Variants in TBXAS1 observed in about 807,000 individuals in gnomAD.
TBXAS1 encodes thromboxane-A synthase.
In TBXAS1, 48 loss-of-function variants were observed where a neutral mutation model predicts 60.7. That is an observed-to-expected ratio of 0.79 (90% CI 0.63 to 1.01). The LOEUF is 1.01. Among genes scored for constraint, TBXAS1 ranks in the 50% least tolerant of loss-of-function variants. The probability of loss-of-function intolerance (pLI) is 0.00; values close to 1 mark genes in which losing one functional copy is unlikely to be tolerated. For synonymous variants in TBXAS1, 287 were observed against 269.7 expected, an observed-to-expected ratio of 1.06 and a Z score of -0.63; for missense variants, 685 against 686.3, an observed-to-expected ratio of 1.00 and a Z score of 0.02.
At chr7:139,966,745 G>A (rs1328654205) in intron 9 of TBXAS1, among the ~76,000 whole-genome samples, 1 of 152,230 alleles carries the variant, frequency 6.6e-6, no homozygotes, top group African/African-American at 2.4e-5. Flanking sequence ...AGGCCAGTCT[G>A]GCCCAGATGA....
Position 139,869,594 on chromosome 7 carries a change from G to A in TBXAS1, c.90-2641G>A, listed in dbSNP as rs537200202. ...AGTAGAGATGGGGTTTCACCATATG[G>A]GCTAGGCTGGTCTTGAGCTCCTGGC... On this transcript the variant is annotated intron_variant, in intron 1 of 12. Transcript: ENST00000448866. Among the ~76,000 whole-genome samples, 3 of 152,106 alleles carry A rather than the reference G, an allele frequency of 2.0e-5. No individual in the cohort carries two copies. In the East Asian group the frequency reaches 5.8e-4, roughly 29 times the overall value.
Position 140,017,788 on chromosome 7 carries a change from C to T in TBXAS1, c.1482C>T (p.Leu494=). The T allele has an allele frequency of 1.2e-6, 2 of 1,614,122 alleles. No homozygotes were observed. The highest frequency in any genetic ancestry group is 1.7e-6 in the Non-Finnish European group (2 of 1,179,982). The part of the protein sequence containing the change: ...LGLLEVKLTL[L]HVLHKFRFQA... ...TGCTTGAGGTCAAGTTGACACTGCT[C>T]CACGTGCTGCACAAGTTCCGGTTCC... Residue 494 remains leucine, a synonymous_variant, in exon 12 of 13, where the codon CTC becomes CTT. Transcript: ENST00000448866.
chr7:139,915,274 T>G (rs570442747), intron 4 of TBXAS1, among the ~76,000 whole-genome samples: 1 of 152,350 alleles, frequency 6.6e-6, no homozygotes, highest in Admixed American at 6.5e-5. Flanking sequence ...CTTATTTATC[T>G]GCTCAAAGAA....
chr7:139,794,514 CTT>C (rs528710596), intron 4 of TBXAS1, among the ~76,000 whole-genome samples: 2 of 144,872 alleles, frequency 1.4e-5, no homozygotes, highest in East Asian at 2.0e-4. Flanking sequence ...TTCTCCCTTT[CTT>C]TTTTTTTTTT....
chr7:139,810,951 G>A (rs1175017056), intron 4 of TBXAS1, among the ~76,000 whole-genome samples: 1 of 152,164 alleles, frequency 6.6e-6, no homozygotes, highest in African/African-American at 2.4e-5. Flanking sequence ...TCCATATCTT[G>A]TAGGAATTAT....
chr7:139,905,263 G>A (rs768266795), intron 3 of TBXAS1, among the ~76,000 whole-genome samples: 2 of 151,796 alleles, frequency 1.3e-5, no homozygotes, highest in Non-Finnish European at 2.9e-5. Flanking sequence ...TGTTATAGAT[G>A]GCCTTTATTA....
At chr7:139,813,369 A>T (rs1413236731) in intron 4 of TBXAS1, among the ~76,000 whole-genome samples, 1 of 152,196 alleles carries the variant, frequency 6.6e-6, no homozygotes, top group Non-Finnish European at 1.5e-5. Flanking sequence ...CGCTCTGCAC[A>T]GCCACAAAAG....
chr7:139,889,456 G>A (rs1803385131), intron 3 of TBXAS1, among the ~76,000 whole-genome samples: 1 of 152,192 alleles, frequency 6.6e-6, no homozygotes, highest in Non-Finnish European at 1.5e-5. Context: ...ATAATTAAGA[G>A]GTTGAACAGG....
intron 1 of TBXAS1, among the ~76,000 whole-genome samples, chr7:139,865,683 G>A (rs1801323773): frequency 1.7e-5 from 2 of 116,652 alleles, no homozygotes; most frequent in African/African-American, 3.3e-5. Context: ...AGGAGGAAGA[G>A]GAGGAGGAGG....
At chr7:139,875,773 G>T (rs1569505748) in intron 3 of TBXAS1, 136 bp downstream of exon 3, 2 of 1,208,400 alleles carry the variant, frequency 1.7e-6, no homozygotes, top group South Asian at 1.3e-5. Flanking sequence ...TTTTCAAAGG[G>T]CCCACAAAGA....
rs1807789922 is a variant in TBXAS1 at position 139,936,349 on chromosome 7, G to A, written c.450+42G>A. 1.9e-6 allele frequency: 3 copies of A among 1,593,990 alleles called. No homozygotes were observed. The African/African-American group carries it at 4.0e-5, about 21-fold the overall frequency. On this transcript the variant is annotated intron_variant, in intron 5 of 12. Coordinates refer to ENST00000448866, the MANE Select transcript of TBXAS1 (RefSeq NM_001061.7). ...GCAAACTCTCTTCTCTTACGGAGCA[G>A]GTTTCTTCTCTCCAAATCGTGATGA...
intron 4 of TBXAS1, among the ~76,000 whole-genome samples, chr7:139,791,718 C>T (rs559539003): frequency 3.9e-5 from 6 of 152,034 alleles, no homozygotes; most frequent in African/African-American, 9.6e-5. Context: ...ACCCAGGCCC[C>T]GCACATCTAT....
intron 4 of TBXAS1, among the ~76,000 whole-genome samples, chr7:139,931,528 C>T (rs944623524): frequency 5.9e-5 from 9 of 152,226 alleles, no homozygotes; most frequent in African/African-American, 1.7e-4. Context: ...CACAGTTCCA[C>T]GTGGCTGGGG....
upstream of TBXAS1, among the ~76,000 whole-genome samples, chr7:139,827,806 G>A (rs1466525550): frequency 6.6e-6 from 1 of 152,138 alleles, no homozygotes; most frequent in African/African-American, 2.4e-5. Context: ...GGAAGACAGG[G>A]CCCCAATCCC....
chr7:140,000,035 T>C (rs1813557998), intron 9 of TBXAS1, among the ~76,000 whole-genome samples: 1 of 148,932 alleles, frequency 6.7e-6, no homozygotes, highest in South Asian at 2.1e-4. Context: ...GGTGTGTGAC[T>C]GTGTGTGTGT....
chr7:139,955,244 T>G (rs767816875), intron 6 of TBXAS1, among the ~76,000 whole-genome samples: 3 of 152,072 alleles, frequency 2.0e-5, no homozygotes, highest in Non-Finnish European at 4.4e-5. Context: ...TCTTCGTGTC[T>G]CCTCCCACCC....
chr7:139,809,382 C>G (rs1797973287), intron 4 of TBXAS1, among the ~76,000 whole-genome samples: 1 of 148,678 alleles, frequency 6.7e-6, no homozygotes. Context: ...ACAGAACCAA[C>G]AGGAGATAGA....
intron 4 of TBXAS1, among the ~76,000 whole-genome samples, chr7:139,803,569 G>A (rs558771594): frequency 1.3e-5 from 2 of 152,298 alleles, no homozygotes; most frequent in South Asian, 4.2e-4. Context: ...TGGGGAAAAT[G>A]TCTCCAGGGT....
chr7:139,973,909 C>T (rs998589542), intron 9 of TBXAS1, among the ~76,000 whole-genome samples: 13 of 152,096 alleles, frequency 8.5e-5, no homozygotes, highest in Non-Finnish European at 1.6e-4. Context: ...CCTGCTGGGA[C>T]CAAACAGGGG....
Sources: allele counts gnomAD v4.1 joint callset (sites outside exome capture counted in the v4.1 genomes callset), GRCh38; gene constraint gnomAD v4.1.1; transcripts MANE v1.5; gene names NCBI Gene and HGNC (gene_info 2026-07-23, HGNC 2026-07-21).